GRXCR2: variants seen among roughly 807,000 people sequenced by gnomAD.
GRXCR2 encodes glutaredoxin and cysteine rich domain containing 2.
Under a neutral mutation model 24.8 loss-of-function variants are expected in GRXCR2, and 23 were observed. The observed-to-expected ratio is 0.93, with a 90% confidence interval of 0.67 to 1.32. The LOEUF (loss-of-function observed/expected upper bound fraction) is 1.32. GRXCR2 is among the 40% of genes most tolerant of loss of function. GRXCR2 has a pLI of 0.00. For synonymous variants in GRXCR2, 130 were observed against 116.1 expected (o/e 1.12, Z -0.77); for missense variants, 315 against 303.4 (o/e 1.04, Z -0.28).
intron 2 of GRXCR2, among the ~76,000 whole-genome samples, chr5:145,896,770 A>C (rs952648217): frequency 3.2e-4 from 48 of 152,224 alleles, no homozygotes; most frequent in South Asian, 1.9e-3. Flanking sequence ...TTGACCCAGC[A>C]ATCCCATTAC....
intron 2 of GRXCR2, among the ~76,000 whole-genome samples, chr5:145,928,903 A>AT (rs1203580182): frequency 1.4e-5 from 2 of 144,408 alleles, no homozygotes; most frequent in South Asian, 2.2e-4. Context: ...TTAAAGTATA[A>AT]TAAAAAAAAA....
intron 2 of GRXCR2, among the ~76,000 whole-genome samples, chr5:145,925,985 G>A (rs1195124923): frequency 6.6e-6 from 1 of 151,910 alleles, no homozygotes; most frequent in African/African-American, 2.4e-5. Flanking sequence ...ACAAGATTGT[G>A]GTTACCCAAT....
upstream of GRXCR2, among the ~76,000 whole-genome samples, chr5:145,875,261 A>G (rs1056111957): frequency 6.6e-6 from 1 of 152,136 alleles, no homozygotes; most frequent in Admixed American, 6.6e-5. Flanking sequence ...TAGAATAGTG[A>G]AGAGGTGGCT....
At chr5:145,915,864 TG>T (rs1757229792) in intron 2 of GRXCR2, among the ~76,000 whole-genome samples, 1 of 152,192 alleles carries the variant, frequency 6.6e-6, no homozygotes, top group Admixed American at 6.5e-5. Flanking sequence ...AGTCAGCTCA[TG>T]GGTACCAAAT....
intron 2 of GRXCR2, among the ~76,000 whole-genome samples, chr5:145,915,863 A>C (rs559552524): frequency 6.6e-6 from 1 of 152,324 alleles, no homozygotes; most frequent in African/African-American, 2.4e-5. Flanking sequence ...GAGTCAGCTC[A>C]TGGGTACCAA....
At chr5:145,910,113 G>A (rs577133956) in intron 2 of GRXCR2, among the ~76,000 whole-genome samples, 5 of 152,322 alleles carry the variant, frequency 3.3e-5, no homozygotes, top group Admixed American at 3.3e-4. Context: ...GTACCTGCAA[G>A]TGGAGTCTCT....
chr5:145,876,686 T>G (rs1181123725), upstream of GRXCR2, among the ~76,000 whole-genome samples: 1 of 152,150 alleles, frequency 6.6e-6, no homozygotes, highest in East Asian at 1.9e-4. Context: ...TCAACACTTT[T>G]TTATGCCATT....
intron 2 of GRXCR2, among the ~76,000 whole-genome samples, chr5:145,913,913 C>T (rs1195715153): frequency 1.3e-5 from 2 of 152,190 alleles, no homozygotes; most frequent in Non-Finnish European, 2.9e-5. Flanking sequence ...TGACTGAGCA[C>T]CTTCTATGTG....
intron 2 of GRXCR2, among the ~76,000 whole-genome samples, chr5:145,910,261 G>A (rs1196134674): frequency 6.6e-6 from 1 of 152,142 alleles, no homozygotes; most frequent in Non-Finnish European, 1.5e-5. Flanking sequence ...TCGGGGTCCA[G>A]TCATAAACGA....
In GRXCR2 at chr5:145,893,157, G is replaced by T. The variant is rs111683516; in HGVS notation, c.-69-26429C>A. Among the ~76,000 whole-genome samples the T allele has an allele frequency of 1.7e-3, 252 of 152,168 alleles. 2 individuals are homozygous for T. The highest frequency in any genetic ancestry group is 2.6e-3 in the Admixed American group (39 of 15,294). On this transcript the variant is annotated intron_variant, in intron 2 of 3. Coordinates refer to the GRXCR2 transcript ENST00000639411. ...GCACTAAATATGGAAAGGAACAACC[G>T]GTACCAGCCACTGCAAAAACATGCC...
intron 2 of GRXCR2, among the ~76,000 whole-genome samples, chr5:145,920,831 C>T (rs1757311368): frequency 6.6e-6 from 1 of 152,208 alleles, no homozygotes; most frequent in Admixed American, 6.5e-5. Context: ...CTTTGGGAAG[C>T]CATTAGGCCA....
chr5:145,924,659 G>C (rs946130893), intron 2 of GRXCR2, among the ~76,000 whole-genome samples: 1 of 152,174 alleles, frequency 6.6e-6, no homozygotes, highest in Non-Finnish European at 1.5e-5. Flanking sequence ...TGTAAGTTCC[G>C]AGTTCCTCAA....
intron 2 of GRXCR2, among the ~76,000 whole-genome samples, chr5:145,881,432 A>T (rs1008473362): frequency 2.0e-5 from 3 of 152,176 alleles, no homozygotes; most frequent in African/African-American, 4.8e-5. Context: ...CACAATTCCT[A>T]CAAAGAGAAT....
intron 2 of GRXCR2, among the ~76,000 whole-genome samples, chr5:145,901,669 C>T (rs1161378294): frequency 6.6e-6 from 1 of 152,074 alleles, no homozygotes; most frequent in African/African-American, 2.4e-5. Flanking sequence ...GAGCAGGTCT[C>T]ACTGAGAAGC....
intron 2 of GRXCR2, among the ~76,000 whole-genome samples, chr5:145,894,998 C>T (rs551570967): frequency 7.9e-5 from 12 of 152,140 alleles, no homozygotes; most frequent in South Asian, 4.1e-4. Context: ...AATCAATAAA[C>T]GTAATCCAGC....
intron 2 of GRXCR2, among the ~76,000 whole-genome samples, chr5:145,883,164 A>C (rs1756727201): frequency 6.6e-6 from 1 of 152,124 alleles, no homozygotes; most frequent in East Asian, 1.9e-4. Context: ...TAGAACTTAA[A>C]GTATAATTAA....
chr5:145,890,896 A>T (rs1353002367), intron 2 of GRXCR2, among the ~76,000 whole-genome samples: 1 of 152,156 alleles, frequency 6.6e-6, no homozygotes, highest in East Asian at 1.9e-4. Context: ...ACACATAATG[A>T]CACCCATAGG....
At chr5:145,859,936 T>C (rs773053981) in intron 2 of GRXCR2, 21 bp from the exon 3 acceptor site, 1 of 1,537,702 alleles carries the variant, frequency 6.5e-7, no homozygotes, top group South Asian at 1.3e-5. Context: ...CAGGTTAGGG[T>C]TTAGTTAAAG....
At chr5:145,901,315 A>G (rs1486605822) in intron 2 of GRXCR2, among the ~76,000 whole-genome samples, 10 of 152,310 alleles carry the variant, frequency 6.6e-5, no homozygotes, top group African/African-American at 2.4e-4. Context: ...AATGAAAAAA[A>G]AAAGTCTTGA....
Sources: gnomAD v4.1 joint callset for allele counts (sites outside exome capture counted in the v4.1 genomes callset) on GRCh38, gnomAD v4.1.1 for gene constraint, MANE v1.5 for transcripts, NCBI Gene and HGNC (gene_info 2026-07-23, HGNC 2026-07-21) for gene names.